The following CAPN7 variants were observed in gnomAD, a reference collection of about 807,000 sequenced individuals.
CAPN7 encodes calpain 7.
In CAPN7, 72 loss-of-function variants were observed where a neutral mutation model predicts 115.2. That is an observed-to-expected ratio of 0.63 (90% CI 0.52 to 0.76). The LOEUF (loss-of-function observed/expected upper bound fraction) is 0.76. Among genes scored for constraint, CAPN7 ranks in the 30% least tolerant of loss-of-function variants. The pLI is 0.00. For synonymous variants in CAPN7, 344 were observed against 322.3 expected (o/e 1.07, Z -0.72); for missense variants, 905 against 971.5 (o/e 0.93, Z 0.91).
chr3:15,231,333 C>T (rs981626692), intron 9 of CAPN7, among the ~76,000 whole-genome samples: 6 of 152,062 alleles, frequency 3.9e-5, no homozygotes, highest in African/African-American at 1.4e-4. Flanking sequence ...AACAAGATTC[C>T]AGGTGATGCT....
chr3:15,234,039 G>C, intron 11 of CAPN7, 66 bp downstream of exon 11: 2 of 872,998 alleles, frequency 2.3e-6, no homozygotes, highest in Non-Finnish European at 3.7e-6. Flanking sequence ...ATGCTGGCTG[G>C]GCGTGGTGGG....
chr3:15,214,676 C>T (rs570814776), intron 2 of CAPN7, among the ~76,000 whole-genome samples: 1 of 152,306 alleles, frequency 6.6e-6, no homozygotes, highest in Admixed American at 6.5e-5. Flanking sequence ...CGTGATTACA[C>T]CACTGCCCTC....
rs570508562 is a variant in CAPN7 at position 15,248,803 on chromosome 3, ACATGGCAAAACCT to A, written c.2204+1350_2204+1362del. ...CAGGAGTTCAAGACCCGCCTGAGCA[ACATGGCAAAACCT>A]CATCTCTGCAAAAATTTTTTTAAAA... On this transcript the variant is annotated intron_variant, in intron 19 of 20. Transcript: ENST00000253693. 1.6e-3 allele frequency among the ~76,000 whole-genome samples: 241 copies of A among 152,226 alleles called. 2 individuals are homozygous for A. The highest frequency in any genetic ancestry group is 5.6e-3 in the African/African-American group (232 of 41,520).
intron 17 of CAPN7, 83 bp from the exon 18 acceptor site, chr3:15,246,649 T>G: frequency 1.0e-6 from 1 of 1,003,394 alleles, no homozygotes; most frequent in South Asian, 1.4e-5. Flanking sequence ...AACTGATTTT[T>G]TTAGTCTTCC....
chr3:15,218,371 G>A lies in CAPN7; in HGVS notation c.370-102G>A, dbSNP rs17040855. ...TCATCTTTGTTTGTTCTCAATTTCAGCAAGTGTAATATGCATTGTAAATTT... is the reference window on the plus strand; with the variant it reads ...TCATCTTTGTTTGTTCTCAATTTCAACAAGTGTAATATGCATTGTAAATTT... On this transcript the variant is annotated intron_variant, in intron 3 of 20. Coordinates refer to ENST00000253693, the MANE Select transcript of CAPN7 (RefSeq NM_014296.3). 0.04 allele frequency: 28,631 copies of A among 722,042 alleles called. 5,538 individuals are homozygous for A. In the African/African-American group the frequency reaches 0.43, roughly 11 times the overall value. 44.7% of individuals were successfully genotyped at this position (722,042 alleles called of 1,614,324 possible). A position where few individuals can be genotyped will look rare whatever the true frequency, so the allele number is the denominator to read the frequency against.
chr3:15,209,034 G>A (rs901005658), intron 1 of CAPN7, among the ~76,000 whole-genome samples: 1 of 151,696 alleles, frequency 6.6e-6, no homozygotes, highest in African/African-American at 2.4e-5. Flanking sequence ...TTTTGAGACG[G>A]AGTTTTGTTC....
In CAPN7 at chr3:15,233,965, T is replaced by G. The variant is rs543434177; in HGVS notation, c.1278T>G (p.Leu426=). 1.2e-4 allele frequency: 190 copies of G among 1,525,326 alleles called. No homozygotes were observed. The South Asian group carries it at 1.9e-3, about 15-fold the overall frequency. 94.5% of individuals were successfully genotyped at this position (1,525,326 alleles called of 1,614,324 possible). A position where few individuals can be genotyped will look rare whatever the true frequency, so the allele number is the denominator to read the frequency against. The change falls in exon 11 of 21, where the codon CTT becomes CTG. Residue 426 remains leucine (L), a synonymous_variant. Transcript: ENST00000253693. ...GTAAGGATAATTCTTTCAGAATGCT[T>G]TATCAAAGGTAAACATTTTTCTTTG... ...TFSKDNSFRM[L]YQRFHKGDVL...
At chr3:15,223,201 G>T (rs542866052) in intron 5 of CAPN7, among the ~76,000 whole-genome samples, 1 of 152,156 alleles carries the variant, frequency 6.6e-6, no homozygotes, top group South Asian at 2.1e-4. Context: ...TTGTGTCTTG[G>T]TGTCAAGGAC....
intron 2 of CAPN7, among the ~76,000 whole-genome samples, chr3:15,213,057 T>C (rs867051088): frequency 5.3e-5 from 8 of 152,232 alleles, no homozygotes; most frequent in South Asian, 2.1e-4. Flanking sequence ...AAATTGCATG[T>C]ATTGAAAAGT....
chr3:15,215,140 A>G (rs371955171), intron 2 of CAPN7, among the ~76,000 whole-genome samples: 3 of 152,220 alleles, frequency 2.0e-5, no homozygotes, highest in South Asian at 2.1e-4. Flanking sequence ...AAACATCAGC[A>G]CAAACTGGGC....
chr3:15,236,308 C>T (rs1483207833), intron 12 of CAPN7, among the ~76,000 whole-genome samples: 2 of 152,216 alleles, frequency 1.3e-5, no homozygotes, highest in African/African-American at 4.8e-5. Context: ...GACCCTGTTT[C>T]TGCAATATCT....
intron 7 of CAPN7, 100 bp from the exon 8 acceptor site, chr3:15,228,874 T>A: frequency 1.2e-6 from 1 of 834,982 alleles, no homozygotes; most frequent in Admixed American, 2.3e-5. Flanking sequence ...AGAAAAGATA[T>A]TTAGTATAAA....
intron 5 of CAPN7, among the ~76,000 whole-genome samples, chr3:15,221,965 T>A (rs948234173): frequency 4.0e-5 from 6 of 150,858 alleles, no homozygotes; most frequent in East Asian, 2.0e-4. Context: ...AAAAAAAAAA[T>A]ATGTGTGTAT....
intron 12 of CAPN7, among the ~76,000 whole-genome samples, chr3:15,237,000 T>G (rs973019744): frequency 2.6e-5 from 4 of 152,224 alleles, no homozygotes; most frequent in African/African-American, 9.6e-5. Context: ...AATGAATTGT[T>G]CTAAGCCAGT....
chr3:15,229,131 A>T, intron 8 of CAPN7, 72 bp downstream of exon 8: 1 of 1,084,960 alleles, frequency 9.2e-7, no homozygotes, highest in Non-Finnish European at 1.4e-6. Context: ...CTTAAGCCTT[A>T]TCTGTATAGA....
At chr3:15,246,983 GAGAA>G (rs200973291) in intron 18 of CAPN7, among the ~76,000 whole-genome samples, 189 bp downstream of exon 18, 2,195 of 152,320 alleles carry the variant, frequency 0.014, 24 homozygotes, top group Middle Eastern at 0.027. Context: ...AGAAAATTCA[GAGAA>G]AGAAGATGAA....
At chr3:15,224,097 G>A (rs1053248183) in intron 6 of CAPN7, among the ~76,000 whole-genome samples, 1 of 152,104 alleles carries the variant, frequency 6.6e-6, no homozygotes, top group African/African-American at 2.4e-5. Context: ...ACTCATCAAA[G>A]CATCTGTTGC....
intron 13 of CAPN7, 34 bp from the exon 14 acceptor site, chr3:15,240,720 A>AT (rs1284317017): frequency 1.3e-6 from 2 of 1,571,360 alleles, no homozygotes; most frequent in South Asian, 1.2e-5. Context: ...TAGCATTAAG[A>AT]TTTTTTTAGA....
At position 15,235,053 on chromosome 3, in the gene CAPN7, G is replaced by A. The variant is rs553062402; in HGVS notation, c.1315G>A (p.Ala439Thr). The A allele has an allele frequency of 1.2e-5, 20 of 1,613,060 alleles. No homozygotes were observed. The South Asian group carries it at 2.2e-4, about 18-fold the overall frequency. Residue 439 changes from alanine to threonine, a missense_variant, in exon 12 of 21, where the codon GCG (alanine) becomes ACG (threonine). Ala to Thr is a moderately conservative substitution (Grantham distance 58). Around this residue, in one of 3 missense-constraint regions of CAPN7, gnomAD observed 620 missense variants for 703.4 expected, o/e 0.88. Transcript: ENST00000253693. Reference sequence around the variant, plus strand: ...TCACAAAGGAGATGTCCTCATCACTGCGTCAACTGGAATGATGACAGAAGC... The same window carrying A: ...TCACAAAGGAGATGTCCTCATCACTACGTCAACTGGAATGATGACAGAAGC... ...RFHKGDVLIT[A>T]STGMMTEAEG...
Sources: gnomAD v4.1 joint callset for allele counts (sites outside exome capture counted in the v4.1 genomes callset) on GRCh38, gnomAD v4.1.1 for gene constraint, gnomAD v4.1.1 regional missense constraint, MANE v1.5 for transcripts, NCBI Gene and HGNC (gene_info 2026-07-23, HGNC 2026-07-21) for gene names.